NFIB: variants seen among roughly 807,000 people sequenced by gnomAD.
NFIB encodes nuclear factor 1 B-type.
NFIB carries 11 observed loss-of-function variants against 61.5 expected under a neutral mutation model. That is an observed-to-expected ratio of 0.18 (90% CI 0.11 to 0.30). The LOEUF is 0.30. NFIB is among the 10% of genes least tolerant of loss of function. The probability of loss-of-function intolerance (pLI) is 1.00; values close to 1 mark genes in which losing one functional copy is unlikely to be tolerated. For synonymous variants in NFIB, 260 were observed against 216.5 expected, an observed-to-expected ratio of 1.20 and a Z score of -1.76; for missense variants, 471 against 608.9, an observed-to-expected ratio of 0.77 and a Z score of 2.38.
At chr9:14,205,170 G>A (rs12551619) in intron 2 of NFIB, 43,713 of 112,648 alleles carry the variant, frequency 0.39, 10,869 homozygotes, top group African/African-American at 0.69. Context: ...TAGTCTCTGT[G>A]AGTGAGTTCC....
chr9:14,476,160 G>C, the NFIB span, among the ~76,000 whole-genome samples: 1 of 150,876 alleles, frequency 6.6e-6, no homozygotes, highest in East Asian at 1.9e-4. Flanking sequence ...AATATTAGAA[G>C]TTCAAAAGGA....
chr9:14,161,104 C>G (rs528797201), intron 3 of NFIB, among the ~76,000 whole-genome samples: 1 of 152,118 alleles, frequency 6.6e-6, no homozygotes, highest in Non-Finnish European at 1.5e-5. Flanking sequence ...CTTTGCCAAT[C>G]TTCATATAAC....
chr9:14,314,798 T>C (rs2060464002), upstream of NFIB, among the ~76,000 whole-genome samples: 1 of 148,128 alleles, frequency 6.8e-6, no homozygotes, highest in African/African-American at 2.5e-5. Flanking sequence ...TGACTTTTTT[T>C]TTTTTTCCAA....
chr9:14,252,930 G>A (rs2055810362), intron 2 of NFIB, among the ~76,000 whole-genome samples: 1 of 137,970 alleles, frequency 7.2e-6, no homozygotes, highest in Non-Finnish European at 1.6e-5. Flanking sequence ...ACTGGTGATG[G>A]ATGCATGGAA....
intron 1 of NFIB, among the ~76,000 whole-genome samples, chr9:14,390,900 C>T (rs7859832): frequency 0.14 from 21,736 of 152,072 alleles, 1,665 homozygotes; most frequent in East Asian, 0.33. Flanking sequence ...ATTACAGTAG[C>T]CTAAACAGAC....
chr9:14,225,456 C>CAAAAAAAAAAAAA (rs1228589594), intron 2 of NFIB, among the ~76,000 whole-genome samples: 53 of 57,982 alleles, frequency 9.1e-4, no homozygotes, highest in East Asian at 2.3e-3. Context: ...GACTCCGTCT[C>CAAAAAAAAAAAAA]AAAAAAAAAA....
At chr9:14,110,292 C>T (rs761040409) in intron 10 of NFIB, among the ~76,000 whole-genome samples, 2 of 152,014 alleles carry the variant, frequency 1.3e-5, no homozygotes, top group Non-Finnish European at 2.9e-5. Context: ...CTCAAAACTA[C>T]ACATCAGTAC....
the NFIB span, among the ~76,000 whole-genome samples, chr9:14,438,354 G>A: frequency 2.0e-5 from 3 of 152,244 alleles, no homozygotes; most frequent in Admixed American, 6.5e-5. Flanking sequence ...CCATCTCAAC[G>A]CTTCCTGTGT....
chr9:14,507,124 G>A, the NFIB span, among the ~76,000 whole-genome samples: 1 of 152,104 alleles, frequency 6.6e-6, no homozygotes, highest in Non-Finnish European at 1.5e-5. Context: ...AGGAAATACC[G>A]CATAACTAAT....
chr9:14,508,133 TTA>T, the NFIB span, among the ~76,000 whole-genome samples: 1 of 151,522 alleles, frequency 6.6e-6, no homozygotes, highest in Non-Finnish European at 1.5e-5. Context: ...TATATTCATA[TTA>T]TATGTGTAAA....
intron 2 of NFIB, among the ~76,000 whole-genome samples, chr9:14,281,126 C>A (rs372595270): frequency 6.6e-5 from 10 of 152,278 alleles, no homozygotes; most frequent in African/African-American, 2.4e-4. Context: ...TGGTTGCTAA[C>A]TTGAACCATG....
At chr9:14,116,885 T>C (rs910772617) in intron 8 of NFIB, among the ~76,000 whole-genome samples, 3 of 152,216 alleles carry the variant, frequency 2.0e-5, no homozygotes, top group Non-Finnish European at 2.9e-5. Flanking sequence ...AGAACCATTC[T>C]CCTGCATACA....
At chr9:14,512,940 A>AG in the NFIB span, among the ~76,000 whole-genome samples, 1 of 151,650 alleles carries the variant, frequency 6.6e-6, no homozygotes, top group African/African-American at 2.4e-5. Context: ...TTTGAAAAAA[A>AG]AAAAAAAAAG....
At chr9:14,170,825 C>A (rs1206162863) in intron 3 of NFIB, among the ~76,000 whole-genome samples, 1 of 152,178 alleles carries the variant, frequency 6.6e-6, no homozygotes, top group East Asian at 1.9e-4. Context: ...TAGGTTATAG[C>A]AATAGCCTTT....
At chr9:14,158,693 T>C (rs1319729237) in intron 3 of NFIB, among the ~76,000 whole-genome samples, 1 of 152,242 alleles carries the variant, frequency 6.6e-6, no homozygotes, top group Non-Finnish European at 1.5e-5. Context: ...GTTTAAGATT[T>C]ATGGATAATT....
At chr9:14,397,918 G>A (rs1351190678) in intron 1 of NFIB, among the ~76,000 whole-genome samples, 3 of 152,080 alleles carry the variant, frequency 2.0e-5, no homozygotes, top group Admixed American at 1.3e-4. Context: ...CTGTCATTCT[G>A]GTTTTCTCAT....
intron 10 of NFIB, among the ~76,000 whole-genome samples, chr9:14,098,528 C>A (rs1343501242): frequency 6.6e-6 from 1 of 152,184 alleles, no homozygotes; most frequent in African/African-American, 2.4e-5. Context: ...GAAAGCCAGC[C>A]AGTCAGGGAG....
chr9:14,346,732 GT>G (rs1379274461), intron 1 of NFIB, among the ~76,000 whole-genome samples: 1 of 152,212 alleles, frequency 6.6e-6, no homozygotes, highest in Middle Eastern at 3.2e-3. Context: ...GCTTGGGGCG[GT>G]TTCTGTGATG....
intron 1 of NFIB, among the ~76,000 whole-genome samples, chr9:14,360,110 T>C (rs537095129): frequency 2.6e-5 from 4 of 152,330 alleles, no homozygotes; most frequent in Non-Finnish European, 5.9e-5. Flanking sequence ...AAATGAGGCA[T>C]AACTAAAAAA....
Sources: gnomAD v4.1 joint callset for allele counts (sites outside exome capture counted in the v4.1 genomes callset) on GRCh38, gnomAD v4.1.1 for gene constraint, MANE v1.5 for transcripts, NCBI Gene and HGNC (gene_info 2026-07-23, HGNC 2026-07-21) for gene names.